Variants in CHUK observed in about 807,000 individuals in gnomAD.
CHUK encodes component of inhibitor of nuclear factor kappa B kinase complex, also known as inhibitor of nuclear factor kappa-B kinase subunit alpha.
CHUK carries 35 observed loss-of-function variants against 104.8 expected under a neutral mutation model. The observed-to-expected ratio is 0.33, with a 90% confidence interval of 0.26 to 0.44. CHUK has a LOEUF of 0.44. Among genes scored for constraint, CHUK ranks in the 20% least tolerant of loss-of-function variants. The pLI is 1.00. For synonymous variants in CHUK, 276 were observed against 291.9 expected (o/e 0.95, Z 0.56); for missense variants, 663 against 902.7 (o/e 0.73, Z 3.40).
chr10:100,213,499 A>C (rs1038170075), intron 9 of CHUK, among the ~76,000 whole-genome samples: 2 of 152,076 alleles, frequency 1.3e-5, no homozygotes, highest in African/African-American at 4.8e-5. Flanking sequence ...AAAAAAAAAA[A>C]AAAATTAAAA....
chr10:100,225,797 A>C (rs1846091253), intron 2 of CHUK, 126 bp downstream of exon 2: 5 of 654,266 alleles, frequency 7.6e-6, no homozygotes, highest in South Asian at 6.7e-5. Flanking sequence ...GAATATATTT[A>C]ATGAGAGAAA....
intron 10 of CHUK, among the ~76,000 whole-genome samples, chr10:100,208,158 T>G (rs1275054238): frequency 6.6e-6 from 1 of 151,938 alleles, no homozygotes; most frequent in Non-Finnish European, 1.5e-5. Flanking sequence ...CATGCTGGAG[T>G]GCAGCGGCGT....
In CHUK at chr10:100,229,510, C is replaced by G. The variant is rs755163535; in HGVS notation, c.23G>C (p.Arg8Pro). MERPPGL[R>P]PGAGGPWEMR... ...CTCCCAGGGCCCGCCCGCGCCCGGC[C>G]GCAGCCCCGGGGGCCGCTCCATGGG... The change falls in exon 1 of 21, where the codon CGG (arginine) becomes CCG (proline). Residue 8 changes from arginine to proline, a missense_variant. Around this residue, in one of 5 missense-constraint regions of CHUK, gnomAD observed 44 missense variants for 39.2 expected, o/e 1.12. Transcript: ENST00000370397. 3.2e-6 allele frequency: 5 copies of G among 1,561,900 alleles called. No individual in the cohort carries two copies. Among genetic ancestry groups the G allele is most frequent in the Non-Finnish European group, 4.3e-6 (5 of 1,158,510 alleles).
intron 9 of CHUK, 53 bp downstream of exon 9, chr10:100,217,942 T>TA: frequency 6.5e-7 from 1 of 1,536,618 alleles, no homozygotes; most frequent in Admixed American, 1.7e-5. Flanking sequence ...ATTTTCCAAA[T>TA]AAACTTGTTA....
In CHUK at chr10:100,220,979, C is replaced by T. The variant is rs17883790; in HGVS notation, c.386-303G>A. Among the ~76,000 whole-genome samples the T allele has an allele frequency of 3.0e-3, 457 of 152,328 alleles. 4 individuals carry two copies. The highest frequency in any genetic ancestry group is 0.011 in the African/African-American group (446 of 41,570). ...GCCTCTTTCTCCCACCTAAATCACT[C>T]ATTTCAATTGGACTTTAGCCCTCAT... On this transcript the variant is annotated intron_variant, in intron 4 of 20. Coordinates refer to ENST00000370397, the MANE Select transcript of CHUK (RefSeq NM_001278.5).
At chr10:100,192,835 T>C (rs1410498288) in intron 19 of CHUK, 1 of 687,650 alleles carries the variant, frequency 1.5e-6, no homozygotes, top group African/African-American at 2.0e-5. Flanking sequence ...TACAAAGTTA[T>C]AAAATAGATC....
intron 20 of CHUK, 165 bp downstream of exon 20, chr10:100,190,704 G>A (rs551037126): frequency 2.2e-5 from 15 of 668,082 alleles, no homozygotes; most frequent in South Asian, 1.5e-4. Context: ...CCTGAGTAAC[G>A]GCAGATAAGG....
rs141731057 is a variant in CHUK, at chr10:100,218,591, T to C, written c.797+127A>G. On this transcript the variant is annotated intron_variant, in intron 8 of 20. Coordinates refer to ENST00000370397, the MANE Select transcript of CHUK (RefSeq NM_001278.5). ...TAACCTCATGTGGCCAACAGAAATATAGAAGGTTTCTACATCATCACAGAA... is the reference window on the plus strand; with the variant it reads ...TAACCTCATGTGGCCAACAGAAATACAGAAGGTTTCTACATCATCACAGAA... The C allele has an allele frequency of 2.6e-4, 193 of 728,408 alleles. 2 individuals are homozygous for C. The African/African-American group carries it at 3.1e-3, about 12-fold the overall frequency. 45.1% of individuals were successfully genotyped at this position (728,408 alleles called of 1,614,324 possible).
chr10:100,199,816 C>T (rs1589580404), intron 16 of CHUK, among the ~76,000 whole-genome samples, 155 bp downstream of exon 16: 1 of 152,090 alleles, frequency 6.6e-6, no homozygotes, highest in Non-Finnish European at 1.5e-5. Flanking sequence ...AATCTTAAAG[C>T]TTATTATACC....
intron 12 of CHUK, 44 bp downstream of exon 12, chr10:100,205,032 T>C: frequency 1.2e-6 from 2 of 1,606,136 alleles, no homozygotes; most frequent in East Asian, 2.2e-5. Flanking sequence ...CTTGAGTATA[T>C]GATGCACATT....
chr10:100,219,499 G>C (rs1845937854), intron 5 of CHUK, 140 bp from the exon 6 acceptor site: 2 of 638,300 alleles, frequency 3.1e-6, no homozygotes, highest in South Asian at 1.8e-5. Flanking sequence ...TTTCAAGTCT[G>C]AGTGCCACCA....
intron 19 of CHUK, among the ~76,000 whole-genome samples, chr10:100,192,299 A>G (rs1449572945): frequency 6.6e-6 from 1 of 152,204 alleles, no homozygotes; most frequent in Non-Finnish European, 1.5e-5. Context: ...TAAAGTATTA[A>G]ATTTTACTTC....
downstream of CHUK, chr10:100,186,371 T>C: frequency 4.1e-6 from 1 of 245,442 alleles, no homozygotes; most frequent in East Asian, 7.9e-5. Context: ...GGAGCCCCAC[T>C]GTGTGGCACG....
At chr10:100,208,361 T>C (rs760444763) in intron 10 of CHUK, among the ~76,000 whole-genome samples, 12 of 152,148 alleles carry the variant, frequency 7.9e-5, no homozygotes, top group Non-Finnish European at 1.8e-4. Flanking sequence ...CCACCTTGGG[T>C]TCCCAAAGTC....
At chr10:100,218,606 TC>T in intron 8 of CHUK, 111 bp downstream of exon 8, 1 of 764,222 alleles carries the variant, frequency 1.3e-6, no homozygotes, top group Middle Eastern at 2.3e-4. Flanking sequence ...GGTTTCTACA[TC>T]ATCACAGAAA....
At chr10:100,229,061 C>CCCTCTTCTCACACAT (rs1846174857) in intron 1 of CHUK, among the ~76,000 whole-genome samples, 2 of 151,128 alleles carry the variant, frequency 1.3e-5, no homozygotes, top group African/African-American at 4.9e-5. Flanking sequence ...TCCCCTTCAG[C>CCCTCTTCTCACACAT]CCTCTTCTCA....
intron 16 of CHUK, among the ~76,000 whole-genome samples, chr10:100,199,706 C>CT (rs1845419004): frequency 6.6e-6 from 1 of 152,078 alleles, no homozygotes; most frequent in Non-Finnish European, 1.5e-5. Flanking sequence ...CTCTGAGTTC[C>CT]TTTTTTCTGT....
At chr10:100,205,033 G>A (rs766562169) in intron 12 of CHUK, 43 bp downstream of exon 12, 3 of 1,604,524 alleles carry the variant, frequency 1.9e-6, no homozygotes, top group African/African-American at 2.7e-5. Context: ...TTGAGTATAT[G>A]ATGCACATTG....
At chr10:100,195,985 C>G (rs1410289411) in intron 16 of CHUK, 1 of 152,210 alleles carries the variant, frequency 6.6e-6, no homozygotes, top group East Asian at 1.9e-4. Flanking sequence ...GTCACCCAGG[C>G]TAGAGTGCAG....
Sources: gnomAD v4.1 joint callset for allele counts (sites outside exome capture counted in the v4.1 genomes callset) on GRCh38, gnomAD v4.1.1 for gene constraint, gnomAD v4.1.1 regional missense constraint, MANE v1.5 for transcripts, NCBI Gene and HGNC (gene_info 2026-07-23, HGNC 2026-07-21) for gene names.